The following KYNU variants were observed in gnomAD, a reference collection of about 807,000 sequenced individuals.
KYNU encodes L-kynurenine hydrolase.
A neutral mutation model predicts 59.2 loss-of-function variants in KYNU; 54 were observed. That is an observed-to-expected ratio of 0.91 (90% CI 0.73 to 1.14). KYNU has a LOEUF of 1.14. Ranked by LOEUF, KYNU falls within the 50% of genes most tolerant of loss-of-function variation. The probability of loss-of-function intolerance (pLI) is 0.00; values close to 1 mark genes in which losing one functional copy is unlikely to be tolerated. For synonymous variants in KYNU, 177 were observed against 192.0 expected (o/e 0.92, Z 0.65); for missense variants, 567 against 554.4 (o/e 1.02, Z -0.23).
At position 143,047,725 on chromosome 2, in the gene KYNU, TA is replaced by T. The variant is rs1477751044; in HGVS notation, c.*5558del. 6.6e-6 allele frequency: 1 copy of T among 152,208 alleles called. No individual in the cohort carries two copies. The highest frequency in any genetic ancestry group is 2.4e-5 in the African/African-American group (1 of 41,378). 9.4% of individuals were successfully genotyped at this position (152,208 alleles called of 1,614,324 possible). A position where few individuals can be genotyped will look rare whatever the true frequency, so the allele number is the denominator to read the frequency against. On this transcript the variant is annotated 3_prime_UTR_variant, in exon 14 of 14. Transcript: ENST00000264170. Reference sequence around the variant, plus strand: ...CATGCCACGATGCCAAGCTAATTTTTAAAAATAATTTTTTTTGTAGATTCAG... The same window carrying T: ...CATGCCACGATGCCAAGCTAATTTTTAAAATAATTTTTTTTGTAGATTCAG...
In KYNU at chr2:143,026,433, C is replaced by T. The variant is rs552747525; in HGVS notation, c.903-3194C>T. ...CAGGGGTGCCTCATTTACTCAGCCC[C>T]GCTCGCTGCTCTCAGCTCCTCGCGG... is the stretch of plus-strand genomic sequence containing the variant. On this transcript the variant is annotated intron_variant, in intron 10 of 13. Coordinates refer to ENST00000264170, the MANE Select transcript of KYNU (RefSeq NM_003937.3). 2.0e-3 allele frequency among the ~76,000 whole-genome samples: 312 copies of T among 152,362 alleles called. 1 individual carries two copies. Among genetic ancestry groups the T allele is most frequent in the Non-Finnish European group, 2.6e-3 (176 of 68,036 alleles).
intron 4 of KYNU, among the ~76,000 whole-genome samples, chr2:142,949,912 C>T (rs1277247125): frequency 6.6e-6 from 1 of 152,162 alleles, no homozygotes; most frequent in Non-Finnish European, 1.5e-5. Context: ...AATGGAATGC[C>T]TTTAACAGTA....
At chr2:142,901,754 T>C (rs1004923201) in intron 2 of KYNU, among the ~76,000 whole-genome samples, 1 of 152,296 alleles carries the variant, frequency 6.6e-6, no homozygotes, top group Non-Finnish European at 1.5e-5. Context: ...CGAGAGCTAG[T>C]TCCTGGAGTG....
intron 2 of KYNU, among the ~76,000 whole-genome samples, chr2:142,887,420 T>C (rs1341705783): frequency 6.6e-6 from 1 of 152,022 alleles, no homozygotes; most frequent in Non-Finnish European, 1.5e-5. Context: ...AGAATAGAAT[T>C]ACCACATGAT....
At chr2:142,964,881 G>A (rs1267764892) in intron 8 of KYNU, 1 of 152,146 alleles carries the variant, frequency 6.6e-6, no homozygotes, top group Non-Finnish European at 1.5e-5. Context: ...GCCAGCATGT[G>A]GCAAGAGACA....
At chr2:142,898,470 G>GA (rs5834924) in intron 2 of KYNU, among the ~76,000 whole-genome samples, 14 of 149,198 alleles carry the variant, frequency 9.4e-5, no homozygotes, top group Admixed American at 3.3e-4. Context: ...TAGTTCAAGG[G>GA]AAAAAAAAAA....
intron 8 of KYNU, among the ~76,000 whole-genome samples, chr2:142,961,279 T>C (rs1212752563): frequency 4.3e-5 from 6 of 140,554 alleles, no homozygotes; most frequent in Admixed American, 3.5e-4. Flanking sequence ...AAACTGCTTT[T>C]TTTTTTTTTT....
At chr2:142,927,610 C>G (rs368621899) in intron 3 of KYNU, 49 bp from the exon 4 acceptor site, 35 of 1,264,086 alleles carry the variant, frequency 2.8e-5, no homozygotes, top group Non-Finnish European at 4.1e-5. Flanking sequence ...AATAATCACA[C>G]ACATGCACAT....
At chr2:142,941,717 C>T (rs888835683) in intron 4 of KYNU, among the ~76,000 whole-genome samples, 8 of 152,110 alleles carry the variant, frequency 5.3e-5, no homozygotes, top group African/African-American at 1.4e-4. Context: ...CGACCTGACC[C>T]GTAGGTAATT....
intron 4 of KYNU, among the ~76,000 whole-genome samples, chr2:142,929,518 G>A (rs1000930720): frequency 1.8e-4 from 28 of 152,128 alleles, no homozygotes. Flanking sequence ...AATATTCTGA[G>A]CCAAATATGA....
At chr2:142,951,259 C>G (rs1683980832) in intron 4 of KYNU, among the ~76,000 whole-genome samples, 1 of 152,114 alleles carries the variant, frequency 6.6e-6, no homozygotes, top group South Asian at 2.1e-4. Context: ...AACAAACAAA[C>G]AAACAAACAA....
intron 8 of KYNU, among the ~76,000 whole-genome samples, chr2:142,961,885 G>A (rs929706311): frequency 6.6e-6 from 1 of 152,078 alleles, no homozygotes; most frequent in African/African-American, 2.4e-5. Context: ...AATAAGTTAT[G>A]GGATTAATAT....
chr2:142,989,906 A>C (rs952600594), intron 10 of KYNU: 1 of 151,866 alleles, frequency 6.6e-6, no homozygotes, highest in Non-Finnish European at 1.5e-5. Context: ...TCCATTAGCA[A>C]ACAGCAAATT....
chr2:142,988,279 G>A (rs1685282724), intron 10 of KYNU, among the ~76,000 whole-genome samples: 1 of 151,922 alleles, frequency 6.6e-6, no homozygotes, highest in African/African-American at 2.4e-5. Flanking sequence ...CTGAGAATGT[G>A]CATAGTAACA....
intron 4 of KYNU, among the ~76,000 whole-genome samples, chr2:142,952,477 CTG>C (rs1306574048): frequency 6.6e-6 from 1 of 152,104 alleles, no homozygotes; most frequent in Non-Finnish European, 1.5e-5. Flanking sequence ...AGGTTCCACT[CTG>C]TCACCCAGGC....
chr2:142,980,537 G>T (rs567925255), intron 8 of KYNU, among the ~76,000 whole-genome samples: 1 of 152,214 alleles, frequency 6.6e-6, no homozygotes, highest in South Asian at 2.1e-4. Flanking sequence ...GTTGCATTCT[G>T]AAATTAATGG....
intron 8 of KYNU, among the ~76,000 whole-genome samples, chr2:142,972,821 G>C (rs1291626329): frequency 6.7e-6 from 1 of 148,830 alleles, no homozygotes; most frequent in Admixed American, 6.7e-5. Flanking sequence ...TATAGAGAGA[G>C]AGAGAGAGAG....
At position 142,960,666 on chromosome 2, in the gene KYNU, G is replaced by A; in HGVS notation, c.625G>A (p.Glu209Lys). Reference protein sequence around the residue: ...LRIEDILEVIEKEGDSIAVIL... With the variant: ...LRIEDILEVIKKEGDSIAVIL... ...AATAGAGGATATCCTTGAAGTAATT[G>A]AGAAGGAAGGAGACTCAATTGCAGT... The change falls in exon 8 of 14, where the codon GAG becomes AAG. Residue 209 changes from glutamate to lysine, a missense_variant. Transcript: ENST00000264170. 2.5e-6 allele frequency: 4 copies of A among 1,613,778 alleles called. No individual in the cohort carries two copies. The highest frequency in any genetic ancestry group is 3.4e-6 in the Non-Finnish European group (4 of 1,179,776).
At chr2:142,900,379 G>C (rs149293946) in intron 2 of KYNU, among the ~76,000 whole-genome samples, 1,635 of 152,282 alleles carry the variant, frequency 0.011, 33 homozygotes, top group African/African-American at 0.038. Flanking sequence ...AGATTTAATA[G>C]AGTGAAAACA....
Sources: gnomAD v4.1 joint callset for allele counts (sites outside exome capture counted in the v4.1 genomes callset) on GRCh38, gnomAD v4.1.1 for gene constraint, MANE v1.5 for transcripts, NCBI Gene and HGNC (gene_info 2026-07-23, HGNC 2026-07-21) for gene names.